Variants in HS6ST2 observed in about 807,000 individuals in gnomAD.
The protein encoded by HS6ST2 is heparan-sulfate 6-O-sulfotransferase 2.
In HS6ST2, 17 loss-of-function variants were observed where a neutral mutation model predicts 33.0. The observed-to-expected ratio is 0.52, with a 90% CI of 0.35 to 0.77. The LOEUF (loss-of-function observed/expected upper bound fraction) is 0.77. HS6ST2 is among the 30% of genes least tolerant of loss of function. The pLI is 0.01. For missense variants in HS6ST2, 519 were observed against 551.7 expected (o/e 0.94, Z 0.59); for synonymous variants, 248 against 237.1 (o/e 1.05, Z -0.42).
chrX:132,637,826 T>TATTATATATAATATATTATATATA (rs2063562708), intron 4 of HS6ST2, among the ~76,000 whole-genome samples: 26 of 53,862 alleles, frequency 4.8e-4, no homozygotes, highest in South Asian at 4.8e-3. Flanking sequence ...ATATATATAA[T>TATTATATATAATATATTATATATA]ATTATATATA....
At chrX:132,682,465 T>C (rs901935288) in intron 3 of HS6ST2, among the ~76,000 whole-genome samples, 1 of 111,482 alleles carries the variant, frequency 9.0e-6, no homozygotes, top group Non-Finnish European at 1.9e-5. Flanking sequence ...AGTATTTATC[T>C]CAGGGAATCC....
At chrX:132,659,907 C>G (rs889500353) in intron 4 of HS6ST2, among the ~76,000 whole-genome samples, 1 of 112,046 alleles carries the variant, frequency 8.9e-6, no homozygotes, top group Middle Eastern at 4.6e-3. Flanking sequence ...CATAAAAGTA[C>G]TATATTTTTG....
rs28676982 is a variant in HS6ST2 at position 132,943,561 on chromosome X, C to G, written c.947+13247G>C. Among the ~76,000 whole-genome samples, 2 of 110,979 alleles carry G rather than the reference C, an allele frequency of 1.8e-5. 1 individual carries two copies. Among genetic ancestry groups the G allele is most frequent in the Middle Eastern group, 9.2e-3 (2 of 217 alleles). On this transcript the variant is annotated intron_variant, in intron 2 of 4. Coordinates refer to ENST00000370833, the MANE Select transcript of HS6ST2 (RefSeq NM_001394073.1). The stretch of plus-strand genomic sequence containing the variant: ...GCCTGGCAGAGACACACAAAAAAAG[C>G]GAAATTTAGACCAATATCCATGATG...
chrX:132,637,779 TATA>T (rs1478755134), intron 4 of HS6ST2, among the ~76,000 whole-genome samples: 6 of 67,217 alleles, frequency 8.9e-5, no homozygotes, highest in East Asian at 8.5e-4. Flanking sequence ...TATTTATATA[TATA>T]ATATTTTATA....
At chrX:132,845,861 C>T (rs779896049) in intron 2 of HS6ST2, among the ~76,000 whole-genome samples, 1 of 111,559 alleles carries the variant, frequency 9.0e-6, no homozygotes, top group Non-Finnish European at 1.9e-5. Flanking sequence ...CAGCCCCTAA[C>T]AGAATAAAAG....
chrX:132,760,512 C>T (rs900418572), intron 2 of HS6ST2, among the ~76,000 whole-genome samples: 12 of 111,862 alleles, frequency 1.1e-4, no homozygotes, highest in African/African-American at 3.3e-4. Flanking sequence ...TTCAGCCCTG[C>T]GAAACTGTGA....
chrX:132,807,320 C>G (rs1383467724), intron 2 of HS6ST2, among the ~76,000 whole-genome samples: 1 of 110,607 alleles, frequency 9.0e-6, no homozygotes, highest in African/African-American at 3.2e-5. Flanking sequence ...GAGATGGCCA[C>G]AATTCACTTA....
intron 2 of HS6ST2, among the ~76,000 whole-genome samples, chrX:132,849,624 G>A (rs2065783628): frequency 8.9e-6 from 1 of 111,816 alleles, no homozygotes; most frequent in Admixed American, 9.5e-5. Flanking sequence ...TTACTTACTT[G>A]GTGACATTAA....
At chrX:132,931,203 G>A (rs939362447) in intron 2 of HS6ST2, among the ~76,000 whole-genome samples, 1 of 111,657 alleles carries the variant, frequency 9.0e-6, no homozygotes. Context: ...TCACACAGCA[G>A]GACCAGTACA....
intron 2 of HS6ST2, among the ~76,000 whole-genome samples, chrX:132,824,458 T>C (rs955327638): frequency 1.8e-5 from 2 of 112,442 alleles, no homozygotes; most frequent in Non-Finnish European, 3.8e-5. Context: ...ACAAAGGCCA[T>C]AAAGTGAAAT....
intron 4 of HS6ST2, among the ~76,000 whole-genome samples, chrX:132,666,064 A>G (rs766570315): frequency 5.4e-5 from 6 of 111,997 alleles, no homozygotes; most frequent in Non-Finnish European, 1.1e-4. Context: ...TTTAGCTTTG[A>G]CCTAATCCAC....
intron 2 of HS6ST2, among the ~76,000 whole-genome samples, chrX:132,875,728 G>A (rs2066103750): frequency 8.9e-6 from 1 of 112,255 alleles, no homozygotes; most frequent in Non-Finnish European, 1.9e-5. Context: ...ACACCTCTGT[G>A]GAAAAACACA....
chrX:132,787,728 TAAG>T (rs2065081130), intron 2 of HS6ST2, among the ~76,000 whole-genome samples: 1 of 108,475 alleles, frequency 9.2e-6, no homozygotes, highest in Non-Finnish European at 1.9e-5. Context: ...CCATCTCTAC[TAAG>T]AATACAAAAC....
intron 1 of HS6ST2, among the ~76,000 whole-genome samples, chrX:132,957,588 C>T (rs1367578815): frequency 1.8e-5 from 2 of 110,505 alleles, no homozygotes; most frequent in South Asian, 4.0e-4. Flanking sequence ...CCCCCTCCCC[C>T]CGCCAGAGCT....
chrX:132,631,315 G>A (rs1328470476), intron 4 of HS6ST2, among the ~76,000 whole-genome samples: 2 of 112,061 alleles, frequency 1.8e-5, no homozygotes, highest in Non-Finnish European at 3.8e-5. Flanking sequence ...CACAGGAGAA[G>A]CATCTGGGAG....
chrX:132,636,898 A>C (rs755563975), intron 4 of HS6ST2, among the ~76,000 whole-genome samples: 6 of 111,389 alleles, frequency 5.4e-5, no homozygotes, highest in Non-Finnish European at 7.5e-5. Context: ...TTATACGTTA[A>C]CTCCCAACAA....
At chrX:132,778,643 A>T (rs1032631727) in intron 2 of HS6ST2, among the ~76,000 whole-genome samples, 1 of 109,942 alleles carries the variant, frequency 9.1e-6, no homozygotes, top group African/African-American at 3.3e-5. Context: ...TGAGCTCGTG[A>T]TCTGCCCGCC....
intron 2 of HS6ST2, among the ~76,000 whole-genome samples, chrX:132,918,641 G>A (rs2066619926): frequency 9.0e-6 from 1 of 111,619 alleles, no homozygotes; most frequent in Non-Finnish European, 1.9e-5. Flanking sequence ...GATCAGGTGG[G>A]ACATGATCTC....
intron 2 of HS6ST2, among the ~76,000 whole-genome samples, chrX:132,881,383 A>G (rs1219843583): frequency 8.9e-6 from 1 of 111,745 alleles, no homozygotes. Flanking sequence ...GCCAGTGATG[A>G]TGAGCATTTT....
Sources: gnomAD v4.1 joint callset for allele counts (sites outside exome capture counted in the v4.1 genomes callset) on GRCh38, gnomAD v4.1.1 for gene constraint, MANE v1.5 for transcripts, NCBI Gene and HGNC (gene_info 2026-07-23, HGNC 2026-07-21) for gene names.